The following LRFN2 variants were observed in gnomAD, a reference collection of about 807,000 sequenced individuals.
LRFN2 encodes the protein leucine rich repeat and fibronectin type III domain containing 2.
In LRFN2, 18 loss-of-function variants were observed where a neutral mutation model predicts 37.3. The ratio of observed to expected loss-of-function variants is 0.48; its 90% CI spans 0.33 to 0.72. LRFN2 has a LOEUF of 0.72. Ranked by LOEUF, LRFN2 falls within the 30% of genes least tolerant of loss-of-function variation. LRFN2 has a pLI of 0.02. For synonymous variants in LRFN2, 556 were observed against 466.6 expected, an observed-to-expected ratio of 1.19 and a Z score of -2.47; for missense variants, 1,006 against 1,060.7, an observed-to-expected ratio of 0.95 and a Z score of 0.72.
intron 1 of LRFN2, among the ~76,000 whole-genome samples, chr6:40,446,570 G>A (rs905104178): frequency 6.6e-6 from 1 of 152,200 alleles, no homozygotes; most frequent in Non-Finnish European, 1.5e-5. Context: ...TGTATTTATT[G>A]TGCTACATCA....
chr6:40,537,257 C>G, intron 1 of LRFN2, among the ~76,000 whole-genome samples: 1 of 152,208 alleles, frequency 6.6e-6, no homozygotes, highest in Non-Finnish European at 1.5e-5. Flanking sequence ...GCAGGAACCC[C>G]AATACTGGGA....
chr6:40,568,734 T>TCCTTCCTTCC (rs1410659844), intron 1 of LRFN2, among the ~76,000 whole-genome samples: 8 of 148,160 alleles, frequency 5.4e-5, no homozygotes, highest in East Asian at 2.0e-4. Flanking sequence ...CTTCCTTCCT[T>TCCTTCCTTCC]TTTTGAGACG....
chr6:40,452,547 G>T (rs1764134777), intron 1 of LRFN2, among the ~76,000 whole-genome samples: 1 of 152,162 alleles, frequency 6.6e-6, no homozygotes, highest in African/African-American at 2.4e-5. Context: ...TCAGCTTGTG[G>T]CCGTGTGATC....
intron 1 of LRFN2, among the ~76,000 whole-genome samples, chr6:40,540,544 G>T (rs1766534251): frequency 1.3e-5 from 2 of 152,176 alleles, no homozygotes; most frequent in Non-Finnish European, 2.9e-5. Flanking sequence ...CTTTCAGAGG[G>T]TGCAGTTCTC....
intron 1 of LRFN2, among the ~76,000 whole-genome samples, chr6:40,450,150 G>A (rs565935285): frequency 1.3e-5 from 2 of 152,290 alleles, no homozygotes; most frequent in Admixed American, 6.5e-5. Context: ...ATGGTGCTGA[G>A]AGAACTGTCC....
At chr6:40,446,974 A>G (rs1390653030) in intron 1 of LRFN2, among the ~76,000 whole-genome samples, 4 of 146,110 alleles carry the variant, frequency 2.7e-5, no homozygotes, top group African/African-American at 7.8e-5. Context: ...CCTGAGGACG[A>G]GGCTGCATCT....
At chr6:40,452,746 T>C (rs551197587) in intron 1 of LRFN2, among the ~76,000 whole-genome samples, 4 of 152,178 alleles carry the variant, frequency 2.6e-5, no homozygotes, top group South Asian at 4.2e-4. Flanking sequence ...ATGAACATTA[T>C]GGAATTATCC....
intron 1 of LRFN2, among the ~76,000 whole-genome samples, chr6:40,577,108 C>CTTCTCTTCTCTTCTCTTCTCTTCCCTTCT (rs1554145947): frequency 9.6e-6 from 1 of 104,588 alleles, no homozygotes; most frequent in African/African-American, 4.0e-5. Context: ...CTTTTCCTTT[C>CTTCTCTTCTCTTCTCTTCTCTTCCCTTCT]TTTTCTTTTT....
At chr6:40,551,372 C>A (rs1438211420) in intron 1 of LRFN2, among the ~76,000 whole-genome samples, 1 of 152,140 alleles carries the variant, frequency 6.6e-6, no homozygotes, top group East Asian at 1.9e-4. Context: ...GAGGACAAAG[C>A]CAGTACACAG....
intron 1 of LRFN2, among the ~76,000 whole-genome samples, chr6:40,441,288 G>C (rs181329920): frequency 7.2e-5 from 11 of 152,306 alleles, no homozygotes; most frequent in Admixed American, 5.9e-4. Context: ...GATGGGGTGA[G>C]GGGTGTGAAC....
intron 1 of LRFN2, among the ~76,000 whole-genome samples, chr6:40,464,816 A>T (rs1430222596): frequency 6.6e-6 from 1 of 152,138 alleles, no homozygotes; most frequent in Non-Finnish European, 1.5e-5. Flanking sequence ...GCTGGTGAAT[A>T]AGTACCCCAG....
intron 1 of LRFN2, among the ~76,000 whole-genome samples, chr6:40,571,822 G>A (rs751644179): frequency 1.7e-4 from 26 of 152,182 alleles, no homozygotes; most frequent in Non-Finnish European, 3.1e-4. Context: ...AGTTGGTGGC[G>A]GAGCTGGTGT....
intron 1 of LRFN2, among the ~76,000 whole-genome samples, chr6:40,534,518 G>A (rs1435697035): frequency 6.6e-6 from 1 of 152,048 alleles, no homozygotes; most frequent in Non-Finnish European, 1.5e-5. Flanking sequence ...TGCAGGCTCT[G>A]AAGTCAGCTC....
rs142170935 is a variant in LRFN2 at position 40,510,714 on chromosome 6, C to T, written c.-19+76227G>A. ...GACAACATGCCAGAGGAAACGAAAG[C>T]AGGGCCGAGGAGACAGGGATGCTGT... On this transcript the variant is annotated intron_variant, in intron 1 of 2. Transcript: ENST00000338305. Among the ~76,000 whole-genome samples, 330 of 152,318 alleles carry T rather than the reference C, an allele frequency of 2.2e-3. 2 individuals carry two copies. The highest frequency in any genetic ancestry group is 7.2e-3 in the African/African-American group (299 of 41,566).
Position 40,392,375 on chromosome 6 carries a change from G to A in LRFN2, c.1938C>T (p.Ala646=), listed in dbSNP as rs1762525378. Residue 646 remains alanine (A), a synonymous_variant, in exon 3 of 3, where the codon GCC becomes GCT. Coordinates refer to ENST00000338305, the MANE Select transcript of LRFN2 (RefSeq NM_020737.3). This position sits in a 1 kb window ranked among gnomAD's most constrained non-coding sequence, Gnocchi z 4.7. ...GRAPWRIPPS[A]PRPKPSLDRL... ...GGTCAAGGCTGGGCTTGGGGCGCGG[G>A]GCGGAGGGTGGGATCCTCCAGGGGG... is the stretch of plus-strand genomic sequence containing the variant. The A allele has an allele frequency of 1.3e-6, 2 of 1,593,736 alleles. No homozygotes were observed. The highest frequency in any genetic ancestry group is 1.7e-5 in the Admixed American group (1 of 57,622).
chr6:40,517,094 A>C (rs1765900420), intron 1 of LRFN2, among the ~76,000 whole-genome samples: 1 of 152,192 alleles, frequency 6.6e-6, no homozygotes, highest in Non-Finnish European at 1.5e-5. Flanking sequence ...CAAAAGGACT[A>C]GATCACCCAA....
chr6:40,493,500 A>C (rs1321643905), intron 1 of LRFN2, among the ~76,000 whole-genome samples: 1 of 152,164 alleles, frequency 6.6e-6, no homozygotes, highest in Admixed American at 6.5e-5. Flanking sequence ...TTCAGGGCTT[A>C]ACCTACTGGC....
At chr6:40,524,578 G>C (rs1341044786) in intron 1 of LRFN2, among the ~76,000 whole-genome samples, 1 of 152,140 alleles carries the variant, frequency 6.6e-6, no homozygotes, top group African/African-American at 2.4e-5. Flanking sequence ...CGCAGGCAGG[G>C]GGCCGAGGCG....
chr6:40,508,743 T>C (rs1429358910), intron 1 of LRFN2, among the ~76,000 whole-genome samples: 1 of 152,230 alleles, frequency 6.6e-6, no homozygotes, highest in African/African-American at 2.4e-5. Flanking sequence ...TAGTGTTCCA[T>C]AAATGCTCAA....
Sources: allele counts gnomAD v4.1 joint callset (sites outside exome capture counted in the v4.1 genomes callset), GRCh38; gene constraint gnomAD v4.1.1; non-coding constraint Gnocchi (gnomAD v3.1); transcripts MANE v1.5; gene names NCBI Gene and HGNC (gene_info 2026-07-23, HGNC 2026-07-21).